The following ADK variants were observed in gnomAD, a reference collection of about 807,000 sequenced individuals.
ADK encodes the protein adenosine kinase.
A neutral mutation model predicts 44.7 loss-of-function variants in ADK; 24 were observed. The ratio of observed to expected loss-of-function variants is 0.54; its 90% CI spans 0.39 to 0.76. ADK has a LOEUF of 0.76. Ranked by LOEUF, ADK falls within the 30% of genes least tolerant of loss-of-function variation. ADK has a pLI of 0.00. For synonymous variants in ADK, 128 were observed against 142.6 expected, an observed-to-expected ratio of 0.90 and a Z score of 0.73; for missense variants, 321 against 425.1, an observed-to-expected ratio of 0.76 and a Z score of 2.15.
At chr10:74,324,411 ATT>A (rs1458003100) in intron 4 of ADK, among the ~76,000 whole-genome samples, 1 of 152,074 alleles carries the variant, frequency 6.6e-6, no homozygotes, top group Admixed American at 6.6e-5. Flanking sequence ...TACCCCTCTA[ATT>A]ACCCAAGCCT....
intron 9 of ADK, among the ~76,000 whole-genome samples, chr10:74,648,406 G>A (rs1007081410): frequency 5.9e-5 from 9 of 152,116 alleles, no homozygotes; most frequent in East Asian, 1.9e-4. Context: ...TAGGCCGGGC[G>A]CCGTGGCTCA....
At chr10:74,486,085 C>A (rs1288154929) in intron 6 of ADK, among the ~76,000 whole-genome samples, 1 of 152,126 alleles carries the variant, frequency 6.6e-6, no homozygotes, top group Non-Finnish European at 1.5e-5. Context: ...ATAATCCCCA[C>A]GTGTCAAAGG....
At chr10:74,698,010 A>G (rs568825573) in intron 10 of ADK, among the ~76,000 whole-genome samples, 1 of 152,338 alleles carries the variant, frequency 6.6e-6, no homozygotes, top group African/African-American at 2.4e-5. Flanking sequence ...AGAAGATAAT[A>G]GGCTACACCA....
At chr10:74,603,118 C>T (rs1852197383) in intron 9 of ADK, among the ~76,000 whole-genome samples, 1 of 152,056 alleles carries the variant, frequency 6.6e-6, no homozygotes, top group Non-Finnish European at 1.5e-5. Context: ...AGCTTTTTCC[C>T]ACCTCCTAGC....
At chr10:74,230,458 T>A (rs1844716413) in intron 3 of ADK, among the ~76,000 whole-genome samples, 1 of 151,334 alleles carries the variant, frequency 6.6e-6, no homozygotes, top group South Asian at 2.1e-4. Context: ...CACCAAGCAG[T>A]TCTCTAAGTA....
intron 6 of ADK, among the ~76,000 whole-genome samples, chr10:74,509,196 ATT>A (rs11431842): frequency 2.8e-5 from 4 of 144,630 alleles, no homozygotes; most frequent in African/African-American, 2.5e-5. Context: ...ATACATTATG[ATT>A]TTTTTTTTTT....
intron 7 of ADK, among the ~76,000 whole-genome samples, chr10:74,569,775 T>G (rs1298157433): frequency 6.6e-6 from 1 of 152,258 alleles, no homozygotes; most frequent in African/African-American, 2.4e-5. Context: ...CTCTTTAGCT[T>G]AATCAGATCC....
chr10:74,233,635 C>T (rs955205267), intron 3 of ADK, among the ~76,000 whole-genome samples: 1 of 152,114 alleles, frequency 6.6e-6, no homozygotes, highest in African/African-American at 2.4e-5. Context: ...AGTTTAATAC[C>T]TTAACTTTGT....
rs866622227 is a variant in ADK, at chr10:74,349,953, C to T, written c.273+35208C>T. ...CTACAAAGATACTTAGACTTCCACA[C>T]AATAATAGTGGGAGACTTTAACACC... is the stretch of plus-strand genomic sequence containing the variant. On this transcript the variant is annotated intron_variant, in intron 4 of 10. Transcript: ENST00000539909. Among the ~76,000 whole-genome samples the T allele has an allele frequency of 3.3e-5, 5 of 152,278 alleles. No homozygotes were observed. In the Middle Eastern group the frequency reaches 0.014, roughly 414 times the overall value.
intron 8 of ADK, among the ~76,000 whole-genome samples, chr10:74,592,406 T>TA (rs1851755938): frequency 6.6e-6 from 1 of 152,146 alleles, no homozygotes. Context: ...AAGCCTTTTT[T>TA]AAACTATTGA....
chr10:74,508,708 A>G (rs1039452356), intron 6 of ADK, among the ~76,000 whole-genome samples: 6 of 152,102 alleles, frequency 3.9e-5, no homozygotes, highest in African/African-American at 1.4e-4. Flanking sequence ...ACTTAGGCAT[A>G]GTTTCTCTCT....
intron 6 of ADK, among the ~76,000 whole-genome samples, chr10:74,503,851 C>T (rs968337653): frequency 8.5e-5 from 13 of 152,070 alleles, no homozygotes; most frequent in Non-Finnish European, 1.3e-4. Context: ...ATTTTTTACT[C>T]GCCATATTTT....
intron 6 of ADK, among the ~76,000 whole-genome samples, chr10:74,512,569 T>C (rs748005885): frequency 6.6e-6 from 1 of 151,918 alleles, no homozygotes; most frequent in Non-Finnish European, 1.5e-5. Context: ...TGGCATATAG[T>C]TGTTCACGGT....
Position 74,494,768 on chromosome 10 carries a change from T to A in ADK, c.556-30488T>A, listed in dbSNP as rs187062628. On this transcript the variant is annotated intron_variant, in intron 6 of 10. Transcript: ENST00000539909. ...ACCTCTGCCTCCCGGGCTCAAGCGA[T>A]TCTCCTGCCTCAGCCTCCCAAATAG... Among the ~76,000 whole-genome samples, 176 of 152,260 alleles carry A rather than the reference T, an allele frequency of 1.2e-3. 3 individuals carry two copies. In the East Asian group the frequency reaches 0.028, roughly 24 times the overall value.
intron 6 of ADK, among the ~76,000 whole-genome samples, chr10:74,490,968 T>C (rs910101869): frequency 6.6e-6 from 1 of 152,176 alleles, no homozygotes; most frequent in African/African-American, 2.4e-5. Context: ...TTTATAAAAA[T>C]AATTATGTAC....
At chr10:74,189,171 G>A (rs1305923656) in intron 1 of ADK, among the ~76,000 whole-genome samples, 1 of 151,918 alleles carries the variant, frequency 6.6e-6, no homozygotes, top group Admixed American at 6.6e-5. Flanking sequence ...ATACAATTTC[G>A]ATGTGTTCAA....
chr10:74,371,670 A>G (rs1842663267), intron 4 of ADK: 1 of 1,044,178 alleles, frequency 9.6e-7, no homozygotes, highest in East Asian at 2.4e-5. Flanking sequence ...AAGTGATGGC[A>G]TCCACATCGT....
intron 7 of ADK, among the ~76,000 whole-genome samples, chr10:74,542,530 T>C (rs1251307148): frequency 1.3e-5 from 2 of 152,190 alleles, no homozygotes; most frequent in African/African-American, 4.8e-5. Context: ...TTTTTAAATA[T>C]GTGAAACATT....
intron 4 of ADK, among the ~76,000 whole-genome samples, chr10:74,387,139 G>A (rs1425876480): frequency 6.6e-6 from 1 of 152,162 alleles, no homozygotes; most frequent in Admixed American, 6.5e-5. Context: ...GTTTCACCAT[G>A]TTGGTCAGGC....
Sources: allele counts gnomAD v4.1 joint callset (sites outside exome capture counted in the v4.1 genomes callset), GRCh38; gene constraint gnomAD v4.1.1; transcripts MANE v1.5; gene names NCBI Gene and HGNC (gene_info 2026-07-23, HGNC 2026-07-21).